KLB: variants seen among roughly 807,000 people sequenced by gnomAD.
The protein encoded by KLB is beta-klotho.
Under a neutral mutation model 88.4 loss-of-function variants are expected in KLB, and 44 were observed. The ratio of observed to expected loss-of-function variants is 0.50; its 90% CI spans 0.39 to 0.64. The LOEUF (loss-of-function observed/expected upper bound fraction) is 0.64, where lower values mean the gene tolerates loss of function less well. Among genes scored for constraint, KLB ranks in the 30% least tolerant of loss-of-function variants. The pLI is 0.00. For synonymous variants in KLB, 548 were observed against 513.4 expected, an observed-to-expected ratio of 1.07 and a Z score of -0.91; for missense variants, 1,137 against 1,304.8, an observed-to-expected ratio of 0.87 and a Z score of 1.98.
Position 39,450,750 on chromosome 4 carries a change from G to GT in KLB, c.*2070dup, listed in dbSNP as rs1251549628. 2 of 151,640 alleles carry GT rather than the reference G, an allele frequency of 1.3e-5. No individual in the cohort carries two copies. The highest frequency in any genetic ancestry group is 2.9e-5 in the Non-Finnish European group (2 of 67,950). The allele number at this position is 151,640 out of a possible 1,614,324, so 9.4% of individuals were successfully genotyped here. A position where few individuals can be genotyped will look rare whatever the true frequency, so the allele number is the denominator to read the frequency against. ...TCACTTAAAACAATCACTTGGCTGGGTTTTTTCCCCTTTGTGCCACATTGA... is the reference window on the plus strand; with the variant it reads ...TCACTTAAAACAATCACTTGGCTGGGTTTTTTTCCCCTTTGTGCCACATTGA... On this transcript the variant is annotated 3_prime_UTR_variant, in exon 5 of 5. Coordinates refer to ENST00000257408, the MANE Select transcript of KLB (RefSeq NM_175737.4).
chr4:39,437,841 A>C lies in KLB; in HGVS notation c.1451A>C (p.Asn484Thr), dbSNP rs890996171. 2 of 1,614,090 alleles carry C rather than the reference A, an allele frequency of 1.2e-6. No individual in the cohort carries two copies. Among genetic ancestry groups the C allele is most frequent in the Non-Finnish European group, 1.7e-6 (2 of 1,180,046 alleles). Residue 484 changes from asparagine to threonine, a missense_variant, in exon 3 of 5, where the codon AAC becomes ACC. By Grantham distance (65) the Asn-to-Thr change is moderately conservative. Around this residue, in one of 4 missense-constraint regions of KLB, gnomAD observed 597 missense variants for 765.2 expected, o/e 0.78. Transcript: ENST00000257408. The stretch of plus-strand genomic sequence containing the variant: ...CGAGGATTATTTTATGTGGATTTTA[A>C]CAGTAAACAGAAAGAGCGGAAACCT... ...IRRGLFYVDF[N>T]SKQKERKPKS...
At chr4:39,431,481 C>A (rs1429809067) in intron 1 of KLB, among the ~76,000 whole-genome samples, 4 of 151,658 alleles carry the variant, frequency 2.6e-5, no homozygotes, top group Admixed American at 6.6e-5. Flanking sequence ...GAACTCCCGA[C>A]CTCAGGTGAT....
intron 1 of KLB, among the ~76,000 whole-genome samples, chr4:39,415,493 C>G (rs1742946639): frequency 6.6e-6 from 1 of 151,102 alleles, no homozygotes; most frequent in African/African-American, 2.4e-5. Flanking sequence ...GACTGCATCT[C>G]TAAAAAAATA....
intron 2 of KLB, among the ~76,000 whole-genome samples, chr4:39,437,115 T>G (rs1743488556): frequency 6.6e-6 from 1 of 152,190 alleles, no homozygotes; most frequent in Non-Finnish European, 1.5e-5. Flanking sequence ...CTTTTTTGTT[T>G]AAAAATGAGG....
At chr4:39,440,055 C>T (rs926052339) in intron 3 of KLB, among the ~76,000 whole-genome samples, 14 of 152,216 alleles carry the variant, frequency 9.2e-5, no homozygotes, top group African/African-American at 2.9e-4. Flanking sequence ...CGACCCGCCT[C>T]GGCCTCCCAA....
chr4:39,436,892 T>C (rs1743483414), intron 2 of KLB, among the ~76,000 whole-genome samples: 1 of 152,082 alleles, frequency 6.6e-6, no homozygotes, highest in African/African-American at 2.4e-5. Flanking sequence ...GTATTTTTAG[T>C]AGAGACAAGG....
chr4:39,440,506 G>C (rs1486213381), intron 3 of KLB, among the ~76,000 whole-genome samples: 6 of 152,096 alleles, frequency 3.9e-5, no homozygotes, highest in Non-Finnish European at 7.4e-5. Flanking sequence ...ATTGAGACCA[G>C]ACAAAAGGGT....
intron 1 of KLB, among the ~76,000 whole-genome samples, chr4:39,425,576 G>A (rs1320685837): frequency 1.3e-5 from 2 of 152,100 alleles, no homozygotes. Context: ...GAGTAGCTGG[G>A]ACTACAGGCA....
chr4:39,421,005 T>C (rs1236936008), intron 1 of KLB, among the ~76,000 whole-genome samples: 1 of 152,242 alleles, frequency 6.6e-6, no homozygotes, highest in African/African-American at 2.4e-5. Context: ...ACATAACATA[T>C]ACATACATAT....
At chr4:39,417,417 C>G (rs1399730300) in intron 1 of KLB, among the ~76,000 whole-genome samples, 1 of 152,104 alleles carries the variant, frequency 6.6e-6, no homozygotes, top group Non-Finnish European at 1.5e-5. Flanking sequence ...CAGGTTCAAG[C>G]AATTCTCCTG....
chr4:39,442,665 C>T (rs1743637816), intron 3 of KLB, among the ~76,000 whole-genome samples: 1 of 152,108 alleles, frequency 6.6e-6, no homozygotes, highest in Non-Finnish European at 1.5e-5. Context: ...GAACTCCTGA[C>T]CTCGTGATCC....
In KLB at chr4:39,448,446, G is replaced by C; in HGVS notation, c.2895G>C (p.Arg965Ser). The C allele has an allele frequency of 1.2e-6, 2 of 1,614,128 alleles. No homozygotes were observed. The highest frequency in any genetic ancestry group is 1.7e-6 in the Non-Finnish European group (2 of 1,180,014). Residue 965 changes from arginine to serine, a missense_variant, in exon 5 of 5, where the codon AGG becomes AGC. Physicochemically the swap from Arg to Ser is moderately radical, Grantham distance 110. Coordinates refer to ENST00000257408, the MANE Select transcript of KLB (RefSeq NM_175737.4). ...TTTACAACAAAGTGATCAGCAGCAG[G>C]GGCTTCCCTTTTGAGAACAGTAGTT... is the stretch of plus-strand genomic sequence containing the variant. ...IQFYNKVISS[R>S]GFPFENSSSR...
In KLB at chr4:39,433,924, C is replaced by T. The variant is rs139561793; in HGVS notation, c.826-286C>T. Among the ~76,000 whole-genome samples, 254 of 152,130 alleles carry T rather than the reference C, an allele frequency of 1.7e-3. 2 individuals carry two copies. Among genetic ancestry groups the T allele is most frequent in the African/African-American group, 5.7e-3 (238 of 41,490 alleles). ...GTATCTTCTTATGTAGAGGAGGAAA[C>T]CCTACACACTACCCCAAGAGGGCCC... On this transcript the variant is annotated intron_variant, in intron 1 of 4. Coordinates refer to ENST00000257408, the MANE Select transcript of KLB (RefSeq NM_175737.4).
In KLB at chr4:39,448,977, T is replaced by C. The variant is rs1047835206; in HGVS notation, c.*291T>C. 3 of 287,956 alleles carry C rather than the reference T, an allele frequency of 1.0e-5. No individual in the cohort carries two copies. The highest frequency in any genetic ancestry group is 6.5e-5 in the African/African-American group (3 of 46,454). 17.8% of individuals were successfully genotyped at this position (287,956 alleles called of 1,614,324 possible). On this transcript the variant is annotated 3_prime_UTR_variant, in exon 5 of 5. Transcript: ENST00000257408. ...TCAACTGTATTCCATCATTCTGCTT[T>C]AGCTTTCATCTCTACCAATAGCTAC...
chr4:39,442,809 T>G lies in KLB; in HGVS notation c.1606-3523T>G, dbSNP rs140336685. 5.8e-3 allele frequency among the ~76,000 whole-genome samples: 880 copies of G among 152,290 alleles called. 9 individuals are homozygous for G. Among genetic ancestry groups the G allele is most frequent in the African/African-American group, 0.02 (835 of 41,558 alleles). ...CCACCCCAAAATATCTCAGCATGTA[T>G]CTCCTAAGAACAGGACATTCTTATT... is the stretch of plus-strand genomic sequence containing the variant. On this transcript the variant is annotated intron_variant, in intron 3 of 4. Transcript: ENST00000257408.
chr4:39,415,253 C>G (rs1219228796), intron 1 of KLB, among the ~76,000 whole-genome samples: 2 of 152,088 alleles, frequency 1.3e-5, no homozygotes, highest in Admixed American at 6.6e-5. Context: ...TTCTATTTTT[C>G]TGGTTTTCTG....
chr4:39,433,898 T>C (rs1042211880), intron 1 of KLB, among the ~76,000 whole-genome samples: 2 of 152,094 alleles, frequency 1.3e-5, no homozygotes, highest in Non-Finnish European at 1.5e-5. Context: ...ATCACTGCTA[T>C]GTATCTTCTT....
chr4:39,448,311 TGATA>T lies in KLB; in HGVS notation c.2761_2764del (p.Asp921LysfsTer40). ...TCTTATCTTTTTCAGCATACCTGATTGATAAAGTCAGAATCAAAGGCTATTATGC... is the reference window on the plus strand; with the variant it reads ...TCTTATCTTTTTCAGCATACCTGATTAAGTCAGAATCAAAGGCTATTATGC... On this transcript the variant is annotated frameshift_variant, in exon 5 of 5. Coordinates refer to ENST00000257408, the MANE Select transcript of KLB (RefSeq NM_175737.4). LOFTEE classifies it low-confidence loss of function (END_TRUNC). The T allele has an allele frequency of 1.3e-6, 2 of 1,587,410 alleles. No individual in the cohort carries two copies. The highest frequency in any genetic ancestry group is 1.7e-4 in the Middle Eastern group (1 of 5,806).
intron 3 of KLB, among the ~76,000 whole-genome samples, chr4:39,445,565 C>T (rs1743721247): frequency 1.4e-5 from 2 of 146,106 alleles, no homozygotes; most frequent in African/African-American, 2.5e-5. Flanking sequence ...AGTGCAATGG[C>T]ATGATCTCGG....
Sources: gnomAD v4.1 joint callset for allele counts (sites outside exome capture counted in the v4.1 genomes callset) on GRCh38, gnomAD v4.1.1 for gene constraint, gnomAD v4.1.1 regional missense constraint, MANE v1.5 for transcripts, NCBI Gene and HGNC (gene_info 2026-07-23, HGNC 2026-07-21) for gene names.